Variants in LCOR observed in about 807,000 individuals in gnomAD.
LCOR encodes the protein ligand-dependent corepressor.
A neutral mutation model predicts 64.4 loss-of-function variants in LCOR; 14 were observed. That is an observed-to-expected ratio of 0.22 (90% CI 0.14 to 0.34). LCOR has a LOEUF of 0.34. Among genes scored for constraint, LCOR ranks in the 10% least tolerant of loss-of-function variants. LCOR has a pLI of 1.00. For missense variants in LCOR, 1,686 were observed against 1,765.3 expected (o/e 0.96, Z 0.80); for synonymous variants, 643 against 642.5 (o/e 1.00, Z -0.01).
At chr10:96,942,215 G>T (rs1344337067) in intron 4 of LCOR, among the ~76,000 whole-genome samples, 10 of 151,420 alleles carry the variant, frequency 6.6e-5, no homozygotes, top group African/African-American at 2.4e-4. Context: ...CGAGGCTGGC[G>T]GATCACTCGC....
At chr10:96,925,130 C>T (rs994907047) in intron 4 of LCOR, among the ~76,000 whole-genome samples, 7 of 151,858 alleles carry the variant, frequency 4.6e-5, no homozygotes, top group African/African-American at 9.7e-5. Context: ...GGCTGAAGTA[C>T]GGTGGTGCAA....
chr10:96,943,016 T>A (rs954113770), intron 4 of LCOR, among the ~76,000 whole-genome samples: 1 of 152,176 alleles, frequency 6.6e-6, no homozygotes. Flanking sequence ...GCTCCTGCAG[T>A]CTGGGATTAG....
Position 96,991,681 on chromosome 10 carries a change from A to G in LCOR, c.*6547A>G, listed in dbSNP as rs74529649. ...GAGTGCAGACCACACATTCTCTTAAAAATACCAGCATGTCTGTGGCATCTT... is the reference window on the plus strand; with the variant it reads ...GAGTGCAGACCACACATTCTCTTAAGAATACCAGCATGTCTGTGGCATCTT... On this transcript the variant is annotated 3_prime_UTR_variant, in exon 8 of 8. Coordinates refer to ENST00000421806, the MANE Select transcript of LCOR (RefSeq NM_001346516.2). The G allele has an allele frequency of 0.04, 6,157 of 152,314 alleles. 171 individuals carry two copies. The highest frequency in any genetic ancestry group is 0.066 in the Non-Finnish European group (4,469 of 68,028). The allele number at this position is 152,314 out of a possible 1,614,324, so 9.4% of individuals were successfully genotyped here. A position where few individuals can be genotyped will look rare whatever the true frequency, so the allele number is the denominator to read the frequency against.
At chr10:96,877,875 T>A (rs1300704901) in intron 2 of LCOR, among the ~76,000 whole-genome samples, 1 of 152,086 alleles carries the variant, frequency 6.6e-6, no homozygotes, top group African/African-American at 2.4e-5. Context: ...CCTCCCAAAG[T>A]GTTGGGATTA....
intron 7 of LCOR, chr10:96,956,230 T>G (rs1361516390): frequency 9.5e-7 from 1 of 1,050,394 alleles, no homozygotes; most frequent in Non-Finnish European, 1.1e-6. Flanking sequence ...CATGCTTTTT[T>G]GTTTTTTTTT....
chr10:96,950,148 A>G (rs1190095207), intron 6 of LCOR, among the ~76,000 whole-genome samples: 1 of 152,190 alleles, frequency 6.6e-6, no homozygotes, highest in Non-Finnish European at 1.5e-5. Flanking sequence ...TCTTGAGTAT[A>G]CAGAAAGGTT....
chr10:96,849,858 CTTTTTTT>C (rs964263701), intron 2 of LCOR, among the ~76,000 whole-genome samples: 20 of 115,690 alleles, frequency 1.7e-4, no homozygotes, highest in African/African-American at 2.0e-4. Context: ...GTGTCACTCA[CTTTTTTT>C]TTTTTTTTTT....
chr10:96,858,722 T>C (rs562726518), intron 2 of LCOR, among the ~76,000 whole-genome samples: 2 of 152,254 alleles, frequency 1.3e-5, no homozygotes, highest in African/African-American at 2.4e-5. Flanking sequence ...GGGTTTTTTG[T>C]TTTTTTAAAA....
Position 96,982,786 on chromosome 10 carries a change from G to C in LCOR, c.2326G>C (p.Glu776Gln). The change falls in exon 8 of 8, where the codon GAG becomes CAG. Residue 776 changes from glutamate to glutamine, a missense_variant. Glu to Gln is a conservative substitution (Grantham distance 29). Around this residue, in one of 3 missense-constraint regions of LCOR, gnomAD observed 1,293 missense variants for 1,410.4 expected, o/e 0.92. Coordinates refer to ENST00000421806, the MANE Select transcript of LCOR (RefSeq NM_001346516.2). ...AGGTGGTATAGGAAAATTAGAGGGAGAGGACGGTGATGTAAAATGCCTGTC... is the reference window on the plus strand; with the variant it reads ...AGGTGGTATAGGAAAATTAGAGGGACAGGACGGTGATGTAAAATGCCTGTC... ...AAGGIGKLEGEDGDVKCLSEK... is the reference protein window; with the variant it reads ...AAGGIGKLEGQDGDVKCLSEK... The C allele has an allele frequency of 6.2e-7, 1 of 1,614,166 alleles. No individual in the cohort carries two copies. Among genetic ancestry groups the C allele is most frequent in the Non-Finnish European group, 8.5e-7 (1 of 1,180,032 alleles).
Position 96,983,926 on chromosome 10 carries a change from C to A in LCOR, c.3466C>A (p.Arg1156=). 7 of 1,614,124 alleles carry A rather than the reference C, an allele frequency of 4.3e-6. No homozygotes were observed. The highest frequency in any genetic ancestry group is 5.9e-6 in the Non-Finnish European group (7 of 1,180,006). Residue 1156 remains arginine (R), a synonymous_variant, in exon 8 of 8, where the codon CGG becomes AGG. Coordinates refer to ENST00000421806, the MANE Select transcript of LCOR (RefSeq NM_001346516.2). The surrounding 1 kb of genome is among the most constrained non-coding windows in gnomAD (Gnocchi z 4.5). ...KEIWKSKKRS[R]KCRSSLESQK... ...GATTTGGAAAAGCAAGAAAAGGTCA[C>A]GGAAATGTAGGAGTTCATTGGAGAG...
intron 6 of LCOR, among the ~76,000 whole-genome samples, chr10:96,951,649 G>A (rs1378987454): frequency 1.3e-5 from 2 of 151,584 alleles, no homozygotes; most frequent in African/African-American, 2.4e-5. Flanking sequence ...TTTCTATATC[G>A]AATTTGTATG....
intron 2 of LCOR, among the ~76,000 whole-genome samples, chr10:96,896,368 C>A (rs1235500578): frequency 6.6e-6 from 1 of 151,992 alleles, no homozygotes; most frequent in African/African-American, 2.4e-5. Context: ...AATTTATTTT[C>A]TTTTCAGTAA....
rs61130250 is a variant in LCOR, at chr10:96,907,628, A to T, written c.-263-40A>T. ...TTAATTCTAATTTATTTTCCTAAAA[A>T]TTCTCTTTTATGACTATTAATTTGT... On this transcript the variant is annotated intron_variant, in intron 3 of 7. Transcript: ENST00000421806. 1.7e-3 allele frequency: 1,284 copies of T among 755,030 alleles called. 16 individuals carry two copies. The African/African-American group carries it at 0.023, about 13-fold the overall frequency. 46.8% of individuals were successfully genotyped at this position (755,030 alleles called of 1,614,324 possible). A position where few individuals can be genotyped will look rare whatever the true frequency, so the allele number is the denominator to read the frequency against.
chr10:96,957,188 T>C, intron 7 of LCOR: 1 of 984,626 alleles, frequency 1.0e-6, no homozygotes, highest in Non-Finnish European at 1.2e-6. Flanking sequence ...AGTTTTTATT[T>C]AATTTTGTTG....
chr10:96,837,441 A>T (rs1845465573), intron 2 of LCOR, among the ~76,000 whole-genome samples: 1 of 151,412 alleles, frequency 6.6e-6, no homozygotes, highest in African/African-American at 2.4e-5. Context: ...TATTTTTAGT[A>T]GAGATGAGGG....
At chr10:96,965,765 T>C (rs531670965) in intron 7 of LCOR, among the ~76,000 whole-genome samples, 83 of 152,200 alleles carry the variant, frequency 5.5e-4, no homozygotes, top group Admixed American at 5.0e-3. Context: ...ACTTGTTCTG[T>C]TGGCTTTATT....
At chr10:96,901,831 G>A (rs977005338) in intron 2 of LCOR, among the ~76,000 whole-genome samples, 4 of 151,934 alleles carry the variant, frequency 2.6e-5, no homozygotes, top group South Asian at 2.1e-4. Context: ...GTGCGGTGGC[G>A]CAATCTCGGC....
intron 4 of LCOR, among the ~76,000 whole-genome samples, chr10:96,940,136 A>G (rs2067549600): frequency 6.6e-6 from 1 of 152,160 alleles, no homozygotes; most frequent in South Asian, 2.1e-4. Flanking sequence ...AAAGATAACA[A>G]GTGTTCATGA....
Position 96,945,396 on chromosome 10 carries a change from A to C in LCOR, c.-51+1151A>C, listed in dbSNP as rs539965023. Among the ~76,000 whole-genome samples, 5 of 152,198 alleles carry C rather than the reference A, an allele frequency of 3.3e-5. No individual in the cohort carries two copies. In the East Asian group the frequency reaches 7.7e-4, roughly 24 times the overall value. ...AAATGCAGAGATTATTTTCTGTGGC[A>C]CTTTTTTTCCCATTTTCTTCCATTA... On this transcript the variant is annotated intron_variant, in intron 5 of 7. Transcript: ENST00000421806.
Sources: gnomAD v4.1 joint callset for allele counts (sites outside exome capture counted in the v4.1 genomes callset) on GRCh38, gnomAD v4.1.1 for gene constraint, gnomAD v4.1.1 regional missense constraint, Gnocchi (gnomAD v3.1) non-coding constraint, MANE v1.5 for transcripts, NCBI Gene and HGNC (gene_info 2026-07-23, HGNC 2026-07-21) for gene names.